Variants in EPHA3 observed in about 807,000 individuals in gnomAD.
The protein encoded by EPHA3 is ephrin type-A receptor 3.
EPHA3 carries 42 observed loss-of-function variants against 107.1 expected under a neutral mutation model. The observed-to-expected ratio is 0.39, with a 90% CI of 0.31 to 0.51. The LOEUF (loss-of-function observed/expected upper bound fraction) is 0.51. Among genes scored for constraint, EPHA3 ranks in the 20% least tolerant of loss-of-function variants. The pLI is 0.78. For missense variants in EPHA3, 1,183 were observed against 1,211.2 expected (o/e 0.98, Z 0.35); for synonymous variants, 461 against 424.8 (o/e 1.09, Z -1.05).
chr3:89,267,171 C>G (rs1266388236), intron 3 of EPHA3, among the ~76,000 whole-genome samples: 4 of 151,940 alleles, frequency 2.6e-5, no homozygotes, highest in Non-Finnish European at 5.9e-5. Flanking sequence ...TGAGTGAAAA[C>G]AAATCAGGAG....
At chr3:89,266,265 C>T (rs1334255689) in intron 3 of EPHA3, among the ~76,000 whole-genome samples, 1 of 152,156 alleles carries the variant, frequency 6.6e-6, no homozygotes, top group African/African-American at 2.4e-5. Flanking sequence ...CTAGGTCACA[C>T]AGTTACTAAG....
intron 2 of EPHA3, among the ~76,000 whole-genome samples, chr3:89,142,757 T>C (rs1437995412): frequency 6.6e-6 from 1 of 151,502 alleles, no homozygotes; most frequent in African/African-American, 2.4e-5. Context: ...GTACATACTT[T>C]ATTTTTATTG....
chr3:89,124,855 G>A (rs763822292), intron 1 of EPHA3, among the ~76,000 whole-genome samples: 11 of 151,992 alleles, frequency 7.2e-5, no homozygotes, highest in Non-Finnish European at 1.0e-4. Flanking sequence ...CTGAGTAAAT[G>A]CAATAAATTT....
In EPHA3 at chr3:89,400,366, C is replaced by T. The variant is rs1281339670; in HGVS notation, c.1594+886C>T. On this transcript the variant is annotated intron_variant, in intron 7 of 16. Transcript: ENST00000336596. ...TACAGGCGGCCGCTACCATGCCCGG[C>T]TAATTTTTTGTATTTTTGGTAGAGT... 2 of 154,238 alleles carry T rather than the reference C, an allele frequency of 1.3e-5. 1 individual carries two copies. The highest frequency in any genetic ancestry group is 1.3e-4 in the Admixed American group (2 of 15,290). The allele number at this position is 154,238 out of a possible 1,614,324, so 9.6% of individuals were successfully genotyped here.
At chr3:89,137,620 T>C (rs1313039531) in intron 2 of EPHA3, among the ~76,000 whole-genome samples, 3 of 151,968 alleles carry the variant, frequency 2.0e-5, no homozygotes, top group Non-Finnish European at 4.4e-5. Flanking sequence ...ATTACTTTTT[T>C]TCCTACATAT....
At chr3:89,147,557 A>G (rs916189602) in intron 2 of EPHA3, among the ~76,000 whole-genome samples, 3 of 151,922 alleles carry the variant, frequency 2.0e-5, no homozygotes, top group African/African-American at 7.2e-5. Flanking sequence ...TAAGATGAAA[A>G]CAACATTAAA....
At chr3:89,264,667 G>T (rs1305591154) in intron 3 of EPHA3, among the ~76,000 whole-genome samples, 1 of 152,096 alleles carries the variant, frequency 6.6e-6, no homozygotes, top group Admixed American at 6.5e-5. Context: ...GAGAACAGGA[G>T]AAGCATATGT....
chr3:89,282,358 T>C (rs1183460462), intron 3 of EPHA3, among the ~76,000 whole-genome samples: 2 of 152,186 alleles, frequency 1.3e-5, no homozygotes, highest in African/African-American at 2.4e-5. Flanking sequence ...AAATAGCAGA[T>C]ATTTATTCTC....
At chr3:89,390,801 T>TTTTTTTTTTA (rs1708713000) in intron 5 of EPHA3, among the ~76,000 whole-genome samples, 4 of 150,516 alleles carry the variant, frequency 2.7e-5, no homozygotes, top group Non-Finnish European at 3.0e-5. Flanking sequence ...TTTTTTTTTT[T>TTTTTTTTTTA]GAGACAGAGT....
intron 2 of EPHA3, among the ~76,000 whole-genome samples, chr3:89,130,087 G>T (rs1384207589): frequency 6.6e-6 from 1 of 152,030 alleles, no homozygotes. Flanking sequence ...ATTTTGCCTC[G>T]GTGGGATATT....
chr3:89,412,995 A>C (rs2107521741), intron 9 of EPHA3, 146 bp from the exon 10 acceptor site: 2 of 1,000,336 alleles, frequency 2.0e-6, no homozygotes, highest in Non-Finnish European at 1.4e-6. Flanking sequence ...TGTCACTGCC[A>C]GTTTCTGTGA....
intron 2 of EPHA3, among the ~76,000 whole-genome samples, chr3:89,185,373 A>G (rs1705539650): frequency 6.6e-6 from 1 of 152,054 alleles, no homozygotes; most frequent in Non-Finnish European, 1.5e-5. Context: ...TGAATTAAGC[A>G]TTTTATTGGC....
chr3:89,374,143 G>A (rs1282276067), intron 5 of EPHA3, among the ~76,000 whole-genome samples: 1 of 151,724 alleles, frequency 6.6e-6, no homozygotes, highest in Non-Finnish European at 1.5e-5. Context: ...TGTTGCTTGG[G>A]AATTGGCAAC....
intron 13 of EPHA3, among the ~76,000 whole-genome samples, chr3:89,433,033 T>C (rs959102693): frequency 2.1e-4 from 32 of 152,310 alleles, no homozygotes; most frequent in African/African-American, 7.2e-4. Flanking sequence ...AGTGATACTT[T>C]GATGTCATGA....
At chr3:89,300,776 T>C (rs1706466651) in intron 3 of EPHA3, among the ~76,000 whole-genome samples, 1 of 152,162 alleles carries the variant, frequency 6.6e-6, no homozygotes, top group Non-Finnish European at 1.5e-5. Context: ...ATAAAGGATA[T>C]CCTGTGTGGT....
In EPHA3 at chr3:89,341,060, T is replaced by C. The variant is rs564506073; in HGVS notation, c.959T>C (p.Met320Thr). Residue 320 changes from methionine to threonine, a missense_variant, in exon 4 of 17, where the codon ATG becomes ACG. Physicochemically the swap from Met to Thr is moderately conservative, Grantham distance 81 (BLOSUM62 -1). Transcript: ENST00000336596. The stretch of plus-strand genomic sequence containing the variant: ...CGGGCAGACAAAGACCCTCCATCCA[T>C]GGCTTGTACCCGTGAGTAGTTTTGC... ...YFRADKDPPS[M>T]ACTRPPSSPR... is the part of the protein sequence containing the mutation. 1.2e-6 allele frequency: 2 copies of C among 1,613,618 alleles called. No individual in the cohort carries two copies. The highest frequency in any genetic ancestry group is 1.7e-5 in the Admixed American group (1 of 59,890).
At chr3:89,185,662 C>T (rs1039038044) in intron 2 of EPHA3, among the ~76,000 whole-genome samples, 5 of 152,002 alleles carry the variant, frequency 3.3e-5, no homozygotes, top group Non-Finnish European at 5.9e-5. Flanking sequence ...CAGTTCTACC[C>T]TCTCACTTTT....
In EPHA3 at chr3:89,480,099, C is replaced by A. The variant is rs1195216204; in HGVS notation, c.*597C>A. ...AAATTGTTAGCTTCCTTAAGTATAT[C>A]ATGTAAAGAAATGTCTTAATTTTTG... On this transcript the variant is annotated 3_prime_UTR_variant, in exon 17 of 17. Transcript: ENST00000336596. 1 of 232,632 alleles carries A rather than the reference C, an allele frequency of 4.3e-6. No homozygotes were observed. The highest frequency in any genetic ancestry group is 8.5e-6 in the Non-Finnish European group (1 of 117,522). 14.4% of individuals were successfully genotyped at this position (232,632 alleles called of 1,614,324 possible).
At chr3:89,435,931 G>T (rs1288229960) in intron 13 of EPHA3, among the ~76,000 whole-genome samples, 1 of 149,832 alleles carries the variant, frequency 6.7e-6, no homozygotes, top group Non-Finnish European at 1.5e-5. Flanking sequence ...CTAGCCTGGG[G>T]GACAGAGTGA....
Sources: gnomAD v4.1 joint callset for allele counts (sites outside exome capture counted in the v4.1 genomes callset) on GRCh38, gnomAD v4.1.1 for gene constraint, MANE v1.5 for transcripts, NCBI Gene and HGNC (gene_info 2026-07-23, HGNC 2026-07-21) for gene names.